Variants in LRRTM4 observed in about 807,000 individuals in gnomAD.
LRRTM4 encodes leucine-rich repeat transmembrane neuronal protein 4.
Under a neutral mutation model 47.6 loss-of-function variants are expected in LRRTM4, and 25 were observed. The observed-to-expected ratio is 0.53, with a 90% CI of 0.38 to 0.73. LRRTM4 has a LOEUF of 0.73. Ranked by LOEUF, LRRTM4 falls within the 30% of genes least tolerant of loss-of-function variation. The pLI is 0.00. For missense variants in LRRTM4, 638 were observed against 713.4 expected, an observed-to-expected ratio of 0.89 and a Z score of 1.20; for synonymous variants, 311 against 269.5, an observed-to-expected ratio of 1.15 and a Z score of -1.51.
chr2:77,001,016 A>G (rs1437483709), intron 3 of LRRTM4, among the ~76,000 whole-genome samples: 1 of 152,148 alleles, frequency 6.6e-6, no homozygotes, highest in African/African-American at 2.4e-5. Flanking sequence ...ACAGAACCTG[A>G]CACACAAATA....
chr2:77,010,927 G>A, intron 3 of LRRTM4, among the ~76,000 whole-genome samples: 1 of 152,138 alleles, frequency 6.6e-6, no homozygotes, highest in East Asian at 1.9e-4. Context: ...CCATATGAAA[G>A]GCAACATTCA....
intron 3 of LRRTM4, among the ~76,000 whole-genome samples, chr2:77,343,450 G>T (rs1671447991): frequency 6.6e-6 from 1 of 151,828 alleles, no homozygotes; most frequent in African/African-American, 2.4e-5. Flanking sequence ...AAGACTAGTT[G>T]CTCTGAACTA....
At chr2:77,214,158 A>T (rs13415849) in intron 3 of LRRTM4, among the ~76,000 whole-genome samples, 5,769 of 152,248 alleles carry the variant, frequency 0.038, 384 homozygotes, top group African/African-American at 0.13. Flanking sequence ...TCTTATGTGG[A>T]AGCAATATCA....
chr2:77,226,294 G>C (rs1573106279), intron 3 of LRRTM4, among the ~76,000 whole-genome samples: 1 of 151,762 alleles, frequency 6.6e-6, no homozygotes, highest in East Asian at 1.9e-4. Flanking sequence ...ATGAGCACAG[G>C]TACGGTCAGA....
At chr2:77,225,596 C>G (rs902670713) in intron 3 of LRRTM4, among the ~76,000 whole-genome samples, 9 of 152,010 alleles carry the variant, frequency 5.9e-5, no homozygotes, top group Admixed American at 2.0e-4. Context: ...TCTCACAATT[C>G]TCGACTAATG....
chr2:77,036,006 TTTAATTAA>T (rs142817849), intron 3 of LRRTM4, among the ~76,000 whole-genome samples: 1 of 151,818 alleles, frequency 6.6e-6, no homozygotes, highest in Non-Finnish European at 1.5e-5. Context: ...TGTTTGGATC[TTTAATTAA>T]TTAAGACATA....
At chr2:76,818,491 G>A (rs1670963430) in intron 3 of LRRTM4, among the ~76,000 whole-genome samples, 1 of 151,842 alleles carries the variant, frequency 6.6e-6, no homozygotes, top group African/African-American at 2.4e-5. Context: ...CCTGGAGTGA[G>A]CAAATGCTTG....
chr2:77,004,826 C>T (rs1246728840), intron 3 of LRRTM4, among the ~76,000 whole-genome samples: 4 of 152,170 alleles, frequency 2.6e-5, no homozygotes, highest in Non-Finnish European at 2.9e-5. Flanking sequence ...CCACATCTTG[C>T]ATCAGCATGA....
intron 3 of LRRTM4, among the ~76,000 whole-genome samples, chr2:76,795,159 G>GCAATGATCAGCAAACATAGAAAA (rs1400300626): frequency 2.0e-5 from 3 of 151,632 alleles, no homozygotes; most frequent in Non-Finnish European, 2.9e-5. Context: ...ATATGAATAG[G>GCAATGATCAGCAAACATAGAAAA]CAATGATCAG....
intron 3 of LRRTM4, among the ~76,000 whole-genome samples, chr2:77,056,150 C>A (rs1679599881): frequency 2.6e-5 from 4 of 151,082 alleles, no homozygotes; most frequent in Middle Eastern, 6.8e-3. Context: ...TGTAACAAAC[C>A]TGCACATTGT....
At chr2:76,881,798 A>T (rs977932749) in intron 3 of LRRTM4, among the ~76,000 whole-genome samples, 37 of 151,808 alleles carry the variant, frequency 2.4e-4, no homozygotes, top group African/African-American at 8.2e-4. Context: ...CTTTTTTCCT[A>T]TTCCTCTTTG....
intron 3 of LRRTM4, among the ~76,000 whole-genome samples, chr2:76,934,146 T>C (rs574561666): frequency 1.3e-5 from 2 of 152,194 alleles, no homozygotes; most frequent in African/African-American, 4.8e-5. Context: ...AGAATTTAAA[T>C]AAATGGGTCT....
rs184386451 is a variant in LRRTM4, at chr2:77,388,787, T to G, written c.1551+129531A>C. Among the ~76,000 whole-genome samples the G allele has an allele frequency of 4.5e-3, 685 of 152,096 alleles. 12 individuals carry two copies. Among genetic ancestry groups the G allele is most frequent in the Non-Finnish European group, 2.0e-3 (139 of 67,982 alleles). ...TAATTGTCATTCACTGAAATATATATAGAGAGAGATATATAGATAAAAAAT... is the reference window on the plus strand; with the variant it reads ...TAATTGTCATTCACTGAAATATATAGAGAGAGAGATATATAGATAAAAAAT... On this transcript the variant is annotated intron_variant, in intron 3 of 3. Coordinates refer to ENST00000409884, the MANE Select transcript of LRRTM4 (RefSeq NM_001134745.3).
At chr2:77,082,323 G>A (rs1356285325) in intron 3 of LRRTM4, among the ~76,000 whole-genome samples, 1 of 151,910 alleles carries the variant, frequency 6.6e-6, no homozygotes, top group East Asian at 1.9e-4. Flanking sequence ...GGACACTTAT[G>A]ATGTGTCTCA....
intron 3 of LRRTM4, among the ~76,000 whole-genome samples, chr2:77,225,527 A>C (rs1674781221): frequency 6.6e-6 from 1 of 152,028 alleles, no homozygotes; most frequent in Admixed American, 6.6e-5. Context: ...TGCCTCCATA[A>C]ATATTAAATT....
intron 3 of LRRTM4, among the ~76,000 whole-genome samples, chr2:76,862,380 G>T (rs959134433): frequency 1.3e-5 from 2 of 152,036 alleles, no homozygotes; most frequent in Non-Finnish European, 2.9e-5. Context: ...CTTTTTATTT[G>T]CTAATTTTAC....
intron 3 of LRRTM4, among the ~76,000 whole-genome samples, chr2:77,209,955 A>G (rs1245920780): frequency 2.0e-5 from 3 of 152,194 alleles, no homozygotes; most frequent in African/African-American, 7.2e-5. Context: ...CTGGGTTCAA[A>G]TATTTCTGTT....
intron 3 of LRRTM4, among the ~76,000 whole-genome samples, chr2:76,845,815 G>C (rs1259250086): frequency 6.6e-6 from 1 of 152,024 alleles, no homozygotes; most frequent in Non-Finnish European, 1.5e-5. Context: ...GGTGGCTCCT[G>C]AACACAACTC....
intron 3 of LRRTM4, among the ~76,000 whole-genome samples, chr2:76,793,491 T>C (rs2103725461): frequency 6.6e-6 from 1 of 152,322 alleles, no homozygotes; most frequent in Non-Finnish European, 1.5e-5. Flanking sequence ...ATAAGTAGGA[T>C]TTTGATTAAT....
Sources: allele counts gnomAD v4.1 joint callset (sites outside exome capture counted in the v4.1 genomes callset), GRCh38; gene constraint gnomAD v4.1.1; transcripts MANE v1.5; gene names NCBI Gene and HGNC (gene_info 2026-07-23, HGNC 2026-07-21).